Variants in TET3 observed in about 807,000 individuals in gnomAD.
The protein encoded by TET3 is tet methylcytosine dioxygenase 3, also known as methylcytosine dioxygenase TET3.
In TET3, 19 loss-of-function variants were observed where a neutral mutation model predicts 141.4. The observed-to-expected ratio is 0.13, with a 90% CI of 0.09 to 0.20. The LOEUF (loss-of-function observed/expected upper bound fraction) is 0.20, where lower values mean the gene tolerates loss of function less well. Ranked by LOEUF, TET3 falls within the 10% of genes least tolerant of loss-of-function variation. The pLI, the probability that TET3 is intolerant of heterozygous loss-of-function variation, is 1.00. For synonymous variants in TET3, 1,043 were observed against 980.9 expected, an observed-to-expected ratio of 1.06 and a Z score of -1.18; for missense variants, 1,874 against 2,356.9, an observed-to-expected ratio of 0.80 and a Z score of 4.24.
chr2:74,091,457 G>A (rs1690494654), intron 8 of TET3, among the ~76,000 whole-genome samples: 1 of 152,224 alleles, frequency 6.6e-6, no homozygotes, highest in Non-Finnish European at 1.5e-5. Context: ...TGAGGCAGAT[G>A]GCTTCCTTAA....
chr2:73,995,457 A>T (rs1160269098), intron 2 of TET3, among the ~76,000 whole-genome samples: 1 of 152,106 alleles, frequency 6.6e-6, no homozygotes, highest in Non-Finnish European at 1.5e-5. Context: ...AGGGGAGAGG[A>T]TCCGTGGTTT....
At chr2:74,075,410 C>T (rs933353383) in intron 5 of TET3, among the ~76,000 whole-genome samples, 1 of 143,382 alleles carries the variant, frequency 7.0e-6, no homozygotes, top group African/African-American at 2.6e-5. Context: ...CTCACTGCAA[C>T]CTCTGCCTCC....
chr2:74,067,543 T>C (rs917103512), intron 4 of TET3, among the ~76,000 whole-genome samples: 3 of 152,256 alleles, frequency 2.0e-5, no homozygotes, highest in African/African-American at 7.2e-5. Flanking sequence ...TATTCTGTGC[T>C]ACATTAACAA....
intron 2 of TET3, among the ~76,000 whole-genome samples, chr2:73,998,141 C>T (rs1029888978): frequency 3.5e-4 from 54 of 152,254 alleles, no homozygotes; most frequent in African/African-American, 1.2e-3. Flanking sequence ...GAAGGTCAGA[C>T]GCTTTGTGTT....
chr2:73,986,265 CG>C lies in TET3; in HGVS notation c.-138del, dbSNP rs1342911049. ...GGGGTTGAGAAGAGGCATCCATCCA[CG>C]AGACTGAAGCCACTTGCCTTCACCC... On this transcript the variant is annotated 5_prime_UTR_variant, in exon 2 of 12. Coordinates refer to ENST00000409262, the MANE Select transcript of TET3 (RefSeq NM_001287491.2). The C allele has an allele frequency of 1.4e-6, 1 of 715,952 alleles. No homozygotes were observed. The highest frequency in any genetic ancestry group is 1.8e-5 in the African/African-American group (1 of 54,466). The allele number at this position is 715,952 out of a possible 1,614,324, so 44.3% of individuals were successfully genotyped here. A position where few individuals can be genotyped will look rare whatever the true frequency, so the allele number is the denominator to read the frequency against.
chr2:73,989,731 A>G (rs1400695224), intron 2 of TET3, among the ~76,000 whole-genome samples: 1 of 151,870 alleles, frequency 6.6e-6, no homozygotes, highest in African/African-American at 2.4e-5. Context: ...ACTTTAGAGG[A>G]GGTTGTTTGA....
intron 5 of TET3, among the ~76,000 whole-genome samples, chr2:74,075,686 T>C (rs1689468234): frequency 6.6e-6 from 1 of 152,148 alleles, no homozygotes; most frequent in African/African-American, 2.4e-5. Flanking sequence ...TGAATGACTA[T>C]AACAGCTTCT....
chr2:74,062,374 T>A (rs976116415), intron 4 of TET3, among the ~76,000 whole-genome samples: 2 of 152,380 alleles, frequency 1.3e-5, no homozygotes, highest in South Asian at 4.1e-4. Flanking sequence ...GAACACTAAA[T>A]CTGTTCAAAT....
At chr2:74,043,785 C>A (rs1687468406) in intron 3 of TET3, among the ~76,000 whole-genome samples, 1 of 152,106 alleles carries the variant, frequency 6.6e-6, no homozygotes, top group African/African-American at 2.4e-5. Flanking sequence ...CATCCCAAAC[C>A]CTAGTTTCCC....
Position 74,047,456 on chromosome 2 carries a change from G to A in TET3, c.1539G>A (p.Thr513=), listed in dbSNP as rs774453600. Residue 513 remains threonine (T), a synonymous_variant, in exon 4 of 12, where the codon ACG becomes ACA. Coordinates refer to ENST00000409262, the MANE Select transcript of TET3 (RefSeq NM_001287491.2). The stretch of plus-strand genomic sequence containing the variant: ...CTGTACTTCAGAGGGAGGCTCCCAC[G>A]CCATCCTCGGAGCCCGACACCCACC... ...PSPVLQREAP[T]PSSEPDTHQK... The A allele has an allele frequency of 1.1e-5, 18 of 1,612,056 alleles. No homozygotes were observed. The highest frequency in any genetic ancestry group is 8.0e-5 in the African/African-American group (6 of 74,854).
chr2:74,037,466 G>T (rs746960284), intron 3 of TET3, among the ~76,000 whole-genome samples: 1 of 152,240 alleles, frequency 6.6e-6, no homozygotes, highest in Non-Finnish European at 1.5e-5. Flanking sequence ...AACAGCTGCT[G>T]TGGATCAGAG....
chr2:74,105,593 G>A lies in TET3; in HGVS notation c.*3417G>A, dbSNP rs1444560042. 1.3e-5 allele frequency: 5 copies of A among 391,890 alleles called. No individual in the cohort carries two copies. Among genetic ancestry groups the A allele is most frequent in the Non-Finnish European group, 2.3e-5 (5 of 221,540 alleles). 24.3% of individuals were successfully genotyped at this position (391,890 alleles called of 1,614,324 possible). A position where few individuals can be genotyped will look rare whatever the true frequency, so the allele number is the denominator to read the frequency against. On this transcript the variant is annotated 3_prime_UTR_variant, in exon 12 of 12. Coordinates refer to ENST00000409262, the MANE Select transcript of TET3 (RefSeq NM_001287491.2). ...TGCTTTGCCTTCTCACCAAGGTGAC[G>A]ATGGTGTGCGTGGAAAGAGATGATA...
intron 4 of TET3, among the ~76,000 whole-genome samples, chr2:74,071,121 C>T (rs553197929): frequency 9.2e-5 from 14 of 152,244 alleles, no homozygotes; most frequent in East Asian, 3.9e-4. Flanking sequence ...GCCACCTCCT[C>T]GCTATATCTT....
intron 4 of TET3, among the ~76,000 whole-genome samples, chr2:74,059,369 C>A (rs1350531558): frequency 1.3e-5 from 2 of 152,244 alleles, no homozygotes; most frequent in Non-Finnish European, 2.9e-5. Flanking sequence ...TCTCCTGGCT[C>A]AGACTCCAGA....
intron 4 of TET3, among the ~76,000 whole-genome samples, chr2:74,067,861 G>C (rs1361342647): frequency 6.6e-6 from 1 of 152,242 alleles, no homozygotes; most frequent in Non-Finnish European, 1.5e-5. Context: ...AGGCAGGGAG[G>C]TGTGTGGAGA....
intron 2 of TET3, 55 bp downstream of exon 2, chr2:73,986,761 C>T (rs1372520462): frequency 2.4e-6 from 3 of 1,225,422 alleles, no homozygotes; most frequent in African/African-American, 1.6e-5. Flanking sequence ...ACGGTGATCA[C>T]GGGGGTCTTG....
At position 74,038,593 on chromosome 2, in the gene TET3, T is replaced by C. The variant is rs1558735721; in HGVS notation, c.361-7685T>C. Among the ~76,000 whole-genome samples the C allele has an allele frequency of 2.6e-5, 4 of 152,116 alleles. No individual in the cohort carries two copies. In the South Asian group the frequency reaches 8.3e-4, roughly 32 times the overall value. ...TCTACCATGTGTGCATTGTAATGGG[T>C]GCCATAATAGCAGAGAGATCACCAA... On this transcript the variant is annotated intron_variant, in intron 3 of 11. Coordinates refer to ENST00000409262, the MANE Select transcript of TET3 (RefSeq NM_001287491.2).
At position 74,047,607 on chromosome 2, in the gene TET3, A is replaced by C; in HGVS notation, c.1690A>C (p.Ser564Arg). Residue 564 changes from serine (S) to arginine (R), a missense_variant, in exon 4 of 12, where the codon AGT becomes CGT. Transcript: ENST00000409262. ...PSAPGWWPPP[S>R]SPVPRLPDRP... is the part of the protein sequence containing the mutation. ...TGCTCCTGGCTGGTGGCCCCCACCA[A>C]GTTCACCTGTCCCACGGCTTCCAGA... 6.2e-7 allele frequency: 1 copy of C among 1,613,836 alleles called. No homozygotes were observed. Among genetic ancestry groups the C allele is most frequent in the Non-Finnish European group, 8.5e-7 (1 of 1,179,816 alleles).
chr2:74,045,533 G>A (rs1365063233), intron 3 of TET3, among the ~76,000 whole-genome samples: 1 of 152,204 alleles, frequency 6.6e-6, no homozygotes, highest in Non-Finnish European at 1.5e-5. Flanking sequence ...TGAGGTATAT[G>A]GTGGTGGCTC....
Sources: gnomAD v4.1 joint callset for allele counts (sites outside exome capture counted in the v4.1 genomes callset) on GRCh38, gnomAD v4.1.1 for gene constraint, MANE v1.5 for transcripts, NCBI Gene and HGNC (gene_info 2026-07-23, HGNC 2026-07-21) for gene names.